Variants in GPHN observed in about 807,000 individuals in gnomAD.
The protein encoded by GPHN is gephyrin.
In GPHN, 17 loss-of-function variants were observed where a neutral mutation model predicts 95.5. The observed-to-expected ratio is 0.18, with a 90% confidence interval of 0.12 to 0.27. The LOEUF (loss-of-function observed/expected upper bound fraction) is 0.27. Ranked by LOEUF, GPHN falls within the 10% of genes least tolerant of loss-of-function variation. The pLI is 1.00. For missense variants in GPHN, 660 were observed against 978.1 expected, an observed-to-expected ratio of 0.67 and a Z score of 4.34; for synonymous variants, 320 against 322.5, an observed-to-expected ratio of 0.99 and a Z score of 0.08.
chr14:67,501,072 TAATAA>T, the GPHN span, among the ~76,000 whole-genome samples: 1 of 147,836 alleles, frequency 6.8e-6, no homozygotes, highest in African/African-American at 2.5e-5. Flanking sequence ...ATAATAATAA[TAATAA>T]TAATAATAAA....
intron 2 of GPHN, among the ~76,000 whole-genome samples, chr14:66,768,257 A>G (rs1266780514): frequency 2.0e-5 from 3 of 151,950 alleles, no homozygotes; most frequent in Admixed American, 6.6e-5. Context: ...ACATCAATAT[A>G]AATTGCAAAA....
chr14:67,555,836 G>A, the GPHN span: 24 of 1,613,408 alleles, frequency 1.5e-5, no homozygotes, highest in Non-Finnish European at 2.0e-5. Context: ...TGCAGGAGCT[G>A]GAGCAGAGGC....
the GPHN span, chr14:67,692,414 T>TA: frequency 6.2e-7 from 1 of 1,612,934 alleles, no homozygotes; most frequent in East Asian, 2.2e-5. Flanking sequence ...ACCCACAACA[T>TA]AGTCTCTCTA....
intron 4 of GPHN, among the ~76,000 whole-genome samples, chr14:66,841,732 A>T (rs1396726989): frequency 2.0e-5 from 3 of 152,060 alleles, no homozygotes; most frequent in Non-Finnish European, 2.9e-5. Flanking sequence ...GGAGATACTG[A>T]ATTGCAATTA....
the GPHN span, among the ~76,000 whole-genome samples, chr14:67,416,275 T>C: frequency 6.6e-6 from 1 of 152,224 alleles, no homozygotes; most frequent in Non-Finnish European, 1.5e-5. Flanking sequence ...AAGCTGTGTG[T>C]TATCTCAGTC....
chr14:67,482,406 G>A, the GPHN span, among the ~76,000 whole-genome samples: 4 of 152,212 alleles, frequency 2.6e-5, no homozygotes, highest in Admixed American at 2.6e-4. Context: ...CAGTGACTCT[G>A]GGAATTTTTG....
Position 67,108,748 on chromosome 14 carries a change from T to G in GPHN, c.1294-1392T>G, listed in dbSNP as rs184738748. 3.7e-3 allele frequency among the ~76,000 whole-genome samples: 566 copies of G among 151,594 alleles called. 4 individuals are homozygous for G. Among genetic ancestry groups the G allele is most frequent in the Non-Finnish European group, 6.8e-3 (463 of 67,856 alleles). On this transcript the variant is annotated intron_variant, in intron 13 of 22. Coordinates refer to ENST00000478722, the MANE Select transcript of GPHN (RefSeq NM_020806.5). The stretch of plus-strand genomic sequence containing the variant: ...GTGTGTGTGTGTGTGTGTGTGTGTG[T>G]GTGTGGTTTATTTTACTTTGTCTTA...
chr14:66,920,023 G>A (rs1213297799), intron 6 of GPHN, among the ~76,000 whole-genome samples: 4 of 152,118 alleles, frequency 2.6e-5, no homozygotes, highest in South Asian at 2.1e-4. Context: ...ACAAGATGGC[G>A]CCATTGCACT....
chr14:67,315,594 C>T, the GPHN span, among the ~76,000 whole-genome samples: 1 of 152,190 alleles, frequency 6.6e-6, no homozygotes, highest in Non-Finnish European at 1.5e-5. Context: ...TTTTAATACT[C>T]TTAAAATTTT....
chr14:67,504,954 G>A, the GPHN span, among the ~76,000 whole-genome samples: 3 of 152,100 alleles, frequency 2.0e-5, no homozygotes, highest in African/African-American at 7.2e-5. Flanking sequence ...ATTGTGCATT[G>A]CTGTGTTGCT....
chr14:67,144,253 ATATATATATATATATATATATAT>A lies in GPHN; in HGVS notation c.1836+805_1836+827del, dbSNP rs1567400624. Reference sequence around the variant, plus strand: ...CCCTGTCTTAAAAAAAAAAAAAAATATATATATATATATATATATATATATATATATATACACACACACATACA... The same window carrying A: ...CCCTGTCTTAAAAAAAAAAAAAAATAATATATATATACACACACACATACA... On this transcript the variant is annotated intron_variant, in intron 18 of 22. Transcript: ENST00000478722. Among the ~76,000 whole-genome samples the A allele has an allele frequency of 7.5e-4, 35 of 46,456 alleles. 1 individual carries two copies. Among genetic ancestry groups the A allele is most frequent in the Non-Finnish European group, 2.0e-4 (5 of 24,650 alleles). The allele number at this position is 46,456 out of a possible 152,430, so 30.5% of individuals were successfully genotyped here.
intron 1 of GPHN, among the ~76,000 whole-genome samples, chr14:66,667,965 C>T (rs1402055046): frequency 1.3e-5 from 2 of 152,080 alleles, no homozygotes; most frequent in African/African-American, 4.8e-5. Context: ...CCCATTAAGA[C>T]ATGTGCAAAG....
chr14:67,495,087 G>A, the GPHN span, among the ~76,000 whole-genome samples: 2 of 152,118 alleles, frequency 1.3e-5, no homozygotes, highest in Non-Finnish European at 2.9e-5. Context: ...AAAAAGTTTG[G>A]AGGCAAAAAC....
the GPHN span, among the ~76,000 whole-genome samples, chr14:67,708,833 G>A: frequency 0.012 from 1,667 of 139,268 alleles, 11 homozygotes; most frequent in African/African-American, 0.016. Flanking sequence ...TCATTCTGTC[G>A]CCAAGCTGGA....
chr14:67,395,124 A>G, the GPHN span, among the ~76,000 whole-genome samples: 1 of 152,182 alleles, frequency 6.6e-6, no homozygotes, highest in Admixed American at 6.5e-5. Flanking sequence ...AGCCCTGAGC[A>G]CCCTGGCTGA....
At chr14:67,078,095 A>G (rs948109662) in intron 11 of GPHN, among the ~76,000 whole-genome samples, 6 of 152,200 alleles carry the variant, frequency 3.9e-5, no homozygotes, top group African/African-American at 1.4e-4. Flanking sequence ...AACATTGTCT[A>G]GTCAGACCAT....
intron 2 of GPHN, among the ~76,000 whole-genome samples, chr14:66,685,061 C>G (rs1485408463): frequency 1.3e-5 from 2 of 152,114 alleles, no homozygotes; most frequent in Non-Finnish European, 2.9e-5. Context: ...CATTCATGTC[C>G]CTACAAAGGA....
At chr14:66,751,209 C>A (rs887865347) in intron 2 of GPHN, among the ~76,000 whole-genome samples, 3 of 151,942 alleles carry the variant, frequency 2.0e-5, no homozygotes, top group Admixed American at 6.6e-5. Context: ...GATATATACC[C>A]AATAATGGGA....
At chr14:67,394,968 C>CA in the GPHN span, among the ~76,000 whole-genome samples, 1 of 152,204 alleles carries the variant, frequency 6.6e-6, no homozygotes, top group Non-Finnish European at 1.5e-5. Flanking sequence ...AGAAGGCCCT[C>CA]ACCAGATGCA....
Sources: allele counts gnomAD v4.1 joint callset (sites outside exome capture counted in the v4.1 genomes callset), GRCh38; gene constraint gnomAD v4.1.1; transcripts MANE v1.5; gene names NCBI Gene and HGNC (gene_info 2026-07-23, HGNC 2026-07-21).